Variants in SH3RF3 observed in about 807,000 individuals in gnomAD.
The protein encoded by SH3RF3 is SH3 domain containing ring finger 3, also known as E3 ubiquitin-protein ligase SH3RF3.
In SH3RF3, 29 loss-of-function variants were observed where a neutral mutation model predicts 66.3. That is an observed-to-expected ratio of 0.44 (90% CI 0.33 to 0.60). The LOEUF is 0.60. Among genes scored for constraint, SH3RF3 ranks in the 20% least tolerant of loss-of-function variants. The pLI, the probability that SH3RF3 is intolerant of heterozygous loss-of-function variation, is 0.04. For missense variants in SH3RF3, 1,194 were observed against 1,190.9 expected, an observed-to-expected ratio of 1.00 and a Z score of -0.04; for synonymous variants, 583 against 532.0, an observed-to-expected ratio of 1.10 and a Z score of -1.32.
At chr2:109,302,129 A>AT (rs1681483639) in intron 1 of SH3RF3, among the ~76,000 whole-genome samples, 1 of 152,108 alleles carries the variant, frequency 6.6e-6, no homozygotes, top group South Asian at 2.1e-4. Flanking sequence ...GAGGCTGGTC[A>AT]TTTTTTCAGA....
At chr2:109,444,229 G>T (rs886070044) in intron 7 of SH3RF3, among the ~76,000 whole-genome samples, 7 of 152,162 alleles carry the variant, frequency 4.6e-5, no homozygotes, top group African/African-American at 1.7e-4. Flanking sequence ...CAGTGAACTT[G>T]GGAAGCTAAC....
intron 6 of SH3RF3, 101 bp downstream of exon 6, chr2:109,432,772 G>A (rs1000344095): frequency 7.6e-6 from 11 of 1,440,708 alleles, no homozygotes; most frequent in East Asian, 2.5e-5. Context: ...GCCGGGCCCA[G>A]AAGGCAGCAA....
chr2:109,435,177 C>T (rs73953107), intron 6 of SH3RF3, among the ~76,000 whole-genome samples: 5,243 of 152,288 alleles, frequency 0.034, 274 homozygotes, highest in African/African-American at 0.11. Context: ...GAACTGCGCC[C>T]GGGTCGGCTG....
chr2:109,357,759 G>C (rs966235968), intron 2 of SH3RF3, among the ~76,000 whole-genome samples: 2 of 152,178 alleles, frequency 1.3e-5, no homozygotes, highest in Non-Finnish European at 2.9e-5. Flanking sequence ...TTAAAAAATA[G>C]GTGTTATATT....
chr2:109,340,846 G>T (rs182010689), intron 1 of SH3RF3, among the ~76,000 whole-genome samples: 1 of 152,078 alleles, frequency 6.6e-6, no homozygotes, highest in African/African-American at 2.4e-5. Flanking sequence ...TGACCTAACC[G>T]CTGCTTTGAT....
intron 1 of SH3RF3, among the ~76,000 whole-genome samples, chr2:109,162,223 C>G (rs921378678): frequency 1.3e-5 from 2 of 152,110 alleles, no homozygotes. Context: ...GCTTGATCTC[C>G]TTAGAAAGTC....
In SH3RF3 at chr2:109,501,998, C is replaced by G. The variant is rs1679401236; in HGVS notation, c.*327C>G. ...TGGTTTGCAGCCATGGCAGCGTTCT[C>G]ATTTACCACCTAAGCAGGGTTGGAG... is the stretch of plus-strand genomic sequence containing the variant. On this transcript the variant is annotated 3_prime_UTR_variant, in exon 10 of 10. Coordinates refer to ENST00000309415, the MANE Select transcript of SH3RF3 (RefSeq NM_001099289.3). The G allele has an allele frequency of 7.0e-6, 2 of 286,946 alleles. No individual in the cohort carries two copies. The highest frequency in any genetic ancestry group is 4.2e-5 in the African/African-American group (2 of 47,364). 17.8% of individuals were successfully genotyped at this position (286,946 alleles called of 1,614,324 possible).
At chr2:109,176,541 T>G (rs1280285535) in intron 1 of SH3RF3, among the ~76,000 whole-genome samples, 3 of 152,124 alleles carry the variant, frequency 2.0e-5, no homozygotes, top group Non-Finnish European at 4.4e-5. Flanking sequence ...AGATCAGCCT[T>G]GGCAACATAA....
intron 1 of SH3RF3, among the ~76,000 whole-genome samples, chr2:109,242,124 C>G (rs933939346): frequency 6.6e-6 from 1 of 152,016 alleles, no homozygotes; most frequent in Non-Finnish European, 1.5e-5. Flanking sequence ...TCCTGTTTTC[C>G]CTGGTCATGG....
intron 1 of SH3RF3, among the ~76,000 whole-genome samples, chr2:109,221,672 T>C (rs1187042129): frequency 1.3e-5 from 2 of 152,136 alleles, no homozygotes; most frequent in African/African-American, 4.8e-5. Flanking sequence ...TTCTGTGTCT[T>C]TTGAGAAATG....
intron 1 of SH3RF3, among the ~76,000 whole-genome samples, chr2:109,328,708 T>C (rs1682211478): frequency 6.6e-6 from 1 of 152,216 alleles, no homozygotes; most frequent in Non-Finnish European, 1.5e-5. Context: ...CTCCTGGTCA[T>C]CACTGTGTCC....
intron 2 of SH3RF3, among the ~76,000 whole-genome samples, chr2:109,360,374 G>A (rs1683030473): frequency 6.6e-6 from 1 of 152,116 alleles, no homozygotes; most frequent in Admixed American, 6.5e-5. Flanking sequence ...GTCCGCATGG[G>A]TGATACCCTT....
At chr2:109,431,061 C>T (rs1677198356) in intron 5 of SH3RF3, among the ~76,000 whole-genome samples, 1 of 152,220 alleles carries the variant, frequency 6.6e-6, no homozygotes, top group Non-Finnish European at 1.5e-5. Flanking sequence ...CCTGCTATTC[C>T]AGAATATTCC....
At position 109,315,710 on chromosome 2, in the gene SH3RF3, G is replaced by C. The variant is rs141743560; in HGVS notation, c.574-31964G>C. ...TCTCAGTCCAGGCTTTCCCACCCAG[G>C]GTTCCTCTGGGGCTCTTTCATCTCA... On this transcript the variant is annotated intron_variant, in intron 1 of 9. Transcript: ENST00000309415. Among the ~76,000 whole-genome samples, 622 of 152,308 alleles carry C rather than the reference G, an allele frequency of 4.1e-3. 5 individuals are homozygous for C. Among genetic ancestry groups the C allele is most frequent in the Middle Eastern group, 0.01 (3 of 294 alleles).
At chr2:109,266,571 T>C (rs988941486) in intron 1 of SH3RF3, among the ~76,000 whole-genome samples, 1 of 151,910 alleles carries the variant, frequency 6.6e-6, no homozygotes, top group Admixed American at 6.6e-5. Context: ...CCAGGGACGT[T>C]TTGTGCCTGA....
intron 1 of SH3RF3, among the ~76,000 whole-genome samples, chr2:109,192,722 A>C (rs1329054493): frequency 6.6e-6 from 1 of 152,194 alleles, no homozygotes; most frequent in Non-Finnish European, 1.5e-5. Flanking sequence ...TAAAATCTGG[A>C]AACTTATTTC....
chr2:109,432,624 C>G lies in SH3RF3; in HGVS notation c.1527C>G (p.Thr509=), dbSNP rs750617884. The G allele has an allele frequency of 3.6e-4, 574 of 1,612,940 alleles. 1 individual carries two copies. The highest frequency in any genetic ancestry group is 9.9e-4 in the Middle Eastern group (6 of 6,056). Residue 509 remains threonine, a synonymous_variant, in exon 6 of 10, where the codon ACC becomes ACG. Coordinates refer to ENST00000309415, the MANE Select transcript of SH3RF3 (RefSeq NM_001099289.3). ...DGWFKGASLR[T]GVSGVFPGNY... ...GGTTCAAGGGGGCGTCTCTGAGGAC[C>G]GGGGTCTCTGGGGTGTTCCCCGGAA...
At chr2:109,284,218 A>G (rs1251006814) in intron 1 of SH3RF3, among the ~76,000 whole-genome samples, 1 of 152,198 alleles carries the variant, frequency 6.6e-6, no homozygotes, top group Non-Finnish European at 1.5e-5. Flanking sequence ...TGTGACCCTC[A>G]GGAATTTCTT....
chr2:109,241,421 A>G (rs754742943), intron 1 of SH3RF3, among the ~76,000 whole-genome samples: 5 of 152,092 alleles, frequency 3.3e-5, no homozygotes, highest in Non-Finnish European at 7.3e-5. Flanking sequence ...CATTGGGGGA[A>G]AAAATGGCTG....
Sources: allele counts gnomAD v4.1 joint callset (sites outside exome capture counted in the v4.1 genomes callset), GRCh38; gene constraint gnomAD v4.1.1; transcripts MANE v1.5; gene names NCBI Gene and HGNC (gene_info 2026-07-23, HGNC 2026-07-21).